GATA4: variants seen among roughly 807,000 people sequenced by gnomAD.
GATA4 encodes GATA binding protein 4, also known as transcription factor GATA-4.
In GATA4, 7 loss-of-function variants were observed where a neutral mutation model predicts 37.9. The observed-to-expected ratio is 0.18, with a 90% CI of 0.11 to 0.35. The LOEUF (loss-of-function observed/expected upper bound fraction) is 0.35. Ranked by LOEUF, GATA4 falls within the 10% of genes least tolerant of loss-of-function variation. The pLI, the probability that GATA4 is intolerant of heterozygous loss-of-function variation, is 1.00. For synonymous variants in GATA4, 372 were observed against 292.6 expected (o/e 1.27, Z -2.77); for missense variants, 647 against 653.0 (o/e 0.99, Z 0.10).
At position 11,708,591 on chromosome 8, in the gene GATA4, AGCC is replaced by A; in HGVS notation, c.281_283del (p.Ala94del). ...GCAGCCCGGGATGGAGCCAGGCGGG[AGCC>A]GACGGAGCCGCTTACACCCCGCCGC... On this transcript the variant is annotated inframe_deletion, in exon 2 of 7. Transcript: ENST00000532059. This position sits in a 1 kb window ranked among gnomAD's most constrained non-coding sequence, Gnocchi z 6.7. 1 of 1,356,940 alleles carries A rather than the reference AGCC, an allele frequency of 7.4e-7. No individual in the cohort carries two copies. Among genetic ancestry groups the A allele is most frequent in the Non-Finnish European group, 9.5e-7 (1 of 1,057,910 alleles). The allele number at this position is 1,356,940 out of a possible 1,614,324, so 84.1% of individuals were successfully genotyped here.
chr8:11,718,199 T>C (rs947175056), intron 2 of GATA4, among the ~76,000 whole-genome samples: 1 of 152,242 alleles, frequency 6.6e-6, no homozygotes, highest in Non-Finnish European at 1.5e-5. Context: ...CCCCGTGGAA[T>C]TGGTCTGAAC....
At chr8:11,712,446 T>C (rs1800229931) in intron 2 of GATA4, among the ~76,000 whole-genome samples, 1 of 152,174 alleles carries the variant, frequency 6.6e-6, no homozygotes, top group Non-Finnish European at 1.5e-5. Flanking sequence ...GAAGTAGTCA[T>C]TTAAGTGCTG....
Position 11,750,241 on chromosome 8 carries a change from G to T in GATA4, c.912+5G>T, listed in dbSNP as rs371005520. 6.3e-5 allele frequency: 101 copies of T among 1,612,198 alleles called. No homozygotes were observed. Among genetic ancestry groups the T allele is most frequent in the Non-Finnish European group, 8.4e-5 (99 of 1,180,042 alleles). On this transcript the variant is annotated splice_donor_5th_base_variant and intron_variant, in intron 4 of 6. Transcript: ENST00000532059. ...CTCTACATGAAGCTCCACGGGGTAC[G>T]TGGGTCCTGCGCCCATGCGGCATCC...
In GATA4 at chr8:11,698,857, T is replaced by C. The variant is rs532671085; in HGVS notation, c.-728-1651T>C. Among the ~76,000 whole-genome samples the C allele has an allele frequency of 3.3e-3, 503 of 152,170 alleles. 3 individuals are homozygous for C. The highest frequency in any genetic ancestry group is 0.012 in the African/African-American group (489 of 41,512). Reference sequence around the variant, plus strand: ...ATTTGAGCTGGTGGTTTGTAGGCGATAGCAGCTCCACAGGCAGATGAAGCC... The same window carrying C: ...ATTTGAGCTGGTGGTTTGTAGGCGACAGCAGCTCCACAGGCAGATGAAGCC... On this transcript the variant is annotated intron_variant, in intron 1 of 2. Transcript: ENST00000526974.
At chr8:11,723,865 G>A (rs1477646969) in intron 2 of GATA4, among the ~76,000 whole-genome samples, 1 of 152,024 alleles carries the variant, frequency 6.6e-6, no homozygotes, top group African/African-American at 2.4e-5. Flanking sequence ...TGTACAGTTG[G>A]GTGGCATTAA....
intron 2 of GATA4, among the ~76,000 whole-genome samples, chr8:11,735,090 A>G (rs1801392260): frequency 6.6e-6 from 1 of 152,282 alleles, no homozygotes; most frequent in African/African-American, 2.4e-5. Flanking sequence ...ACACAGAGGC[A>G]TCTACTGTAT....
At position 11,706,767 on chromosome 8, in the gene GATA4, C is replaced by T. The variant is rs184672044; in HGVS notation, c.-457-1089C>T. On this transcript the variant is annotated intron_variant, in intron 1 of 6. Transcript: ENST00000532059. Reference sequence around the variant, plus strand: ...CTACTGATCCCATTCCCTTCCCCCACCCCTTCTGATTGTACTTTGATCTTA... The same window carrying T: ...CTACTGATCCCATTCCCTTCCCCCATCCCTTCTGATTGTACTTTGATCTTA... 2.0e-5 allele frequency among the ~76,000 whole-genome samples: 3 copies of T among 152,272 alleles called. No homozygotes were observed. In the East Asian group the frequency reaches 5.8e-4, roughly 29 times the overall value.
intron 2 of GATA4, among the ~76,000 whole-genome samples, chr8:11,721,352 T>A (rs1800668297): frequency 1.3e-5 from 2 of 148,524 alleles, no homozygotes; most frequent in South Asian, 4.5e-4. Context: ...GAGGCAGGAA[T>A]GCAAGCAGAA....
rs143109496 is a variant in GATA4 at position 11,750,212 on chromosome 8, C to T, written c.888C>T (p.Cys296=). The change falls in exon 4 of 7, where the codon TGC becomes TGT. Residue 296 remains cysteine (C), a synonymous_variant. Coordinates refer to ENST00000532059, the MANE Select transcript of GATA4 (RefSeq NM_001308093.3). ...NAEGEPVCNA[C]GLYMKLHGVP... Reference sequence around the variant, plus strand: ...AGGGCGAGCCTGTGTGCAATGCCTGCGGCCTCTACATGAAGCTCCACGGGG... The same window carrying T: ...AGGGCGAGCCTGTGTGCAATGCCTGTGGCCTCTACATGAAGCTCCACGGGG... 2.0e-4 allele frequency: 315 copies of T among 1,613,350 alleles called. No individual in the cohort carries two copies. In the African/African-American group the frequency reaches 3.2e-3, roughly 17 times the overall value.
chr8:11,728,701 A>C (rs1398425448), intron 2 of GATA4, among the ~76,000 whole-genome samples: 2 of 152,190 alleles, frequency 1.3e-5, no homozygotes, highest in Non-Finnish European at 2.9e-5. Flanking sequence ...GGTTTGAGCC[A>C]CTGTGCCCAG....
intron 2 of GATA4, among the ~76,000 whole-genome samples, chr8:11,713,264 C>T (rs1490920321): frequency 1.3e-5 from 2 of 152,142 alleles, no homozygotes; most frequent in Non-Finnish European, 2.9e-5. Flanking sequence ...ATATGAGCTA[C>T]GACCCTAAGA....
chr8:11,679,806 C>T (rs1043467305), intron 1 of GATA4, among the ~76,000 whole-genome samples: 3 of 152,168 alleles, frequency 2.0e-5, no homozygotes, highest in South Asian at 2.1e-4. Context: ...ATAATGGAAA[C>T]GCAGAAGCCT....
intron 1 of GATA4, among the ~76,000 whole-genome samples, chr8:11,697,225 G>A (rs1427345762): frequency 6.6e-6 from 1 of 152,226 alleles, no homozygotes; most frequent in South Asian, 2.1e-4. Context: ...ACTCTAACCG[G>A]AGAGCCCCTG....
At chr8:11,686,135 G>T (rs1022516037) in intron 1 of GATA4, among the ~76,000 whole-genome samples, 3 of 152,008 alleles carry the variant, frequency 2.0e-5, no homozygotes, top group African/African-American at 7.2e-5. Context: ...ATGGAGCTGG[G>T]GGAGAGTGGT....
rs1215550791 is a variant in GATA4 at position 11,744,067 on chromosome 8, T to C, written c.617-4849T>C. ...CGCGGTCAGCCTTGCTGTCAGTTGG[T>C]TCCTGGCTTGCAGTCTCAAACCTGA... On this transcript the variant is annotated intron_variant, in intron 2 of 6. Transcript: ENST00000532059. Among the ~76,000 whole-genome samples the C allele has an allele frequency of 2.0e-5, 3 of 152,172 alleles. No individual in the cohort carries two copies. The East Asian group carries it at 5.8e-4, about 29-fold the overall frequency.
chr8:11,734,756 C>T (rs1563217203), intron 2 of GATA4, among the ~76,000 whole-genome samples: 2 of 152,158 alleles, frequency 1.3e-5, no homozygotes, highest in Non-Finnish European at 2.9e-5. Context: ...TCCGAAAGGG[C>T]TGGGATTACA....
At chr8:11,680,190 G>T (rs919498165) in intron 1 of GATA4, among the ~76,000 whole-genome samples, 1 of 152,208 alleles carries the variant, frequency 6.6e-6, no homozygotes, top group Non-Finnish European at 1.5e-5. Flanking sequence ...CTCTGGGGCC[G>T]CTTAACGTCC....
intron 2 of GATA4, among the ~76,000 whole-genome samples, chr8:11,728,303 A>T (rs1801036364): frequency 6.6e-6 from 1 of 152,216 alleles, no homozygotes; most frequent in East Asian, 1.9e-4. Flanking sequence ...ATTAGTCATT[A>T]AGCCAACCAT....
At chr8:11,732,890 A>C (rs1801277878) in intron 2 of GATA4, among the ~76,000 whole-genome samples, 1 of 152,204 alleles carries the variant, frequency 6.6e-6, no homozygotes, top group African/African-American at 2.4e-5. Context: ...GACCACATGG[A>C]GGGAAAGACT....
Sources: gnomAD v4.1 joint callset for allele counts (sites outside exome capture counted in the v4.1 genomes callset) on GRCh38, gnomAD v4.1.1 for gene constraint, Gnocchi (gnomAD v3.1) non-coding constraint, MANE v1.5 for transcripts, NCBI Gene and HGNC (gene_info 2026-07-23, HGNC 2026-07-21) for gene names.